The following ARL15 variants were observed in gnomAD, a reference collection of about 807,000 sequenced individuals.
ARL15 encodes the protein ARF like GTPase 15.
A neutral mutation model predicts 25.2 loss-of-function variants in ARL15; 19 were observed. The ratio of observed to expected loss-of-function variants is 0.75; its 90% confidence interval spans 0.53 to 1.10. The LOEUF is 1.10. Ranked by LOEUF, ARL15 falls within the 50% of genes least tolerant of loss-of-function variation. The pLI, the probability that ARL15 is intolerant of heterozygous loss-of-function variation, is 0.00. For synonymous variants in ARL15, 94 were observed against 86.8 expected (o/e 1.08, Z -0.46); for missense variants, 220 against 246.0 (o/e 0.89, Z 0.71).
rs558259486 is a variant in ARL15 at position 54,013,655 on chromosome 5, T to C, written c.462+99547A>G. On this transcript the variant is annotated intron_variant, in intron 4 of 4. Transcript: ENST00000504924. ...ATAAATAACATCACTATTGTAGAAC[T>C]TAAGATTGGTCCTTTGAGATATTTC... Among the ~76,000 whole-genome samples the C allele has an allele frequency of 1.6e-4, 24 of 152,292 alleles. No individual in the cohort carries two copies. In the East Asian group the frequency reaches 4.2e-3, roughly 27 times the overall value.
intron 1 of ARL15, among the ~76,000 whole-genome samples, chr5:54,215,078 A>G (rs1756150248): frequency 6.6e-6 from 1 of 151,418 alleles, no homozygotes; most frequent in South Asian, 2.1e-4. Context: ...CCTTCTTATC[A>G]CTTGAGGGGG....
intron 4 of ARL15, among the ~76,000 whole-genome samples, chr5:53,910,307 C>G (rs1745408146): frequency 6.6e-6 from 1 of 152,158 alleles, no homozygotes; most frequent in Non-Finnish European, 1.5e-5. Flanking sequence ...TACAGGATGT[C>G]TAATGCTATC....
At chr5:54,115,007 C>A (rs1217087482) in intron 3 of ARL15, among the ~76,000 whole-genome samples, 1 of 152,192 alleles carries the variant, frequency 6.6e-6, no homozygotes, top group Non-Finnish European at 1.5e-5. Context: ...TGTGCCCTGG[C>A]TGGCAAGGGT....
rs564304323 is a variant in ARL15, at chr5:54,123,112, CT to C, written c.254-9703del. Among the ~76,000 whole-genome samples, 615 of 141,978 alleles carry C rather than the reference CT, an allele frequency of 4.3e-3. 1 individual carries two copies. Among genetic ancestry groups the C allele is most frequent in the Admixed American group, 0.011 (155 of 14,090 alleles). The allele number at this position is 141,978 out of a possible 152,430, so 93.1% of individuals were successfully genotyped here. Reference sequence around the variant, plus strand: ...CACACCCTCTCTTCTTTTTATATTCCTTTTTTTTTTTTTTGAGACGGAGTTT... The same window carrying C: ...CACACCCTCTCTTCTTTTTATATTCCTTTTTTTTTTTTTGAGACGGAGTTT... On this transcript the variant is annotated intron_variant, in intron 3 of 4. Transcript: ENST00000504924.
At chr5:54,255,200 C>G (rs1757333350) in intron 1 of ARL15, among the ~76,000 whole-genome samples, 1 of 148,252 alleles carries the variant, frequency 6.7e-6, no homozygotes, top group Non-Finnish European at 1.5e-5. Flanking sequence ...AAACTCTACT[C>G]CACGTCATTT....
chr5:53,936,145 G>A (rs1357888717), intron 4 of ARL15, among the ~76,000 whole-genome samples: 1 of 152,128 alleles, frequency 6.6e-6, no homozygotes, highest in African/African-American at 2.4e-5. Flanking sequence ...TACATATATT[G>A]ACATAATGAA....
chr5:53,927,541 G>A (rs1425065514), intron 4 of ARL15, among the ~76,000 whole-genome samples: 1 of 152,110 alleles, frequency 6.6e-6, no homozygotes, highest in Non-Finnish European at 1.5e-5. Flanking sequence ...CCCTAGGTCC[G>A]CATCAAATTT....
chr5:54,137,813 T>G (rs1229740350), intron 3 of ARL15, among the ~76,000 whole-genome samples: 1 of 152,100 alleles, frequency 6.6e-6, no homozygotes, highest in African/African-American at 2.4e-5. Flanking sequence ...AAATTGTATA[T>G]TATAGTTGGG....
chr5:54,180,872 T>C (rs572371322), intron 1 of ARL15, among the ~76,000 whole-genome samples: 9 of 152,320 alleles, frequency 5.9e-5, no homozygotes, highest in Non-Finnish European at 8.8e-5. Context: ...TTAGCAGCTA[T>C]AGACATTGGC....
intron 1 of ARL15, among the ~76,000 whole-genome samples, chr5:54,253,485 C>T (rs957817955): frequency 1.3e-5 from 2 of 152,170 alleles, no homozygotes; most frequent in African/African-American, 4.8e-5. Flanking sequence ...AAAATCTGTA[C>T]TCACTCAATT....
At chr5:53,921,340 AG>A (rs1265873476) in intron 4 of ARL15, among the ~76,000 whole-genome samples, 1 of 152,200 alleles carries the variant, frequency 6.6e-6, no homozygotes, top group Admixed American at 6.5e-5. Context: ...TCCCCCCTAT[AG>A]CTATTGTAAG....
chr5:54,208,111 T>C (rs899561111), intron 1 of ARL15, among the ~76,000 whole-genome samples: 12 of 152,124 alleles, frequency 7.9e-5, no homozygotes, highest in African/African-American at 2.9e-4. Flanking sequence ...CTTTGGAATA[T>C]CTAACTACCC....
chr5:53,930,744 A>T (rs1746171003), intron 4 of ARL15, among the ~76,000 whole-genome samples: 1 of 152,148 alleles, frequency 6.6e-6, no homozygotes, highest in African/African-American at 2.4e-5. Flanking sequence ...CCATCATCAG[A>T]CCTCTGGACA....
intron 2 of ARL15, among the ~76,000 whole-genome samples, chr5:54,156,969 G>A (rs1164827312): frequency 6.6e-6 from 1 of 152,202 alleles, no homozygotes; most frequent in Admixed American, 6.5e-5. Context: ...AGACTTGGAT[G>A]CCTGAATGTA....
At chr5:53,947,037 G>C (rs1299566191) in intron 4 of ARL15, among the ~76,000 whole-genome samples, 1 of 152,192 alleles carries the variant, frequency 6.6e-6, no homozygotes, top group Admixed American at 6.5e-5. Flanking sequence ...GGGATGAAGG[G>C]AAGGAGATAG....
chr5:53,917,118 G>A (rs1020066310), intron 4 of ARL15, among the ~76,000 whole-genome samples: 2 of 152,090 alleles, frequency 1.3e-5, no homozygotes, highest in African/African-American at 4.8e-5. Context: ...TCTCTGGAAG[G>A]CCCCTGAAAG....
chr5:53,933,399 C>A (rs1483622463), intron 4 of ARL15, among the ~76,000 whole-genome samples: 1 of 152,102 alleles, frequency 6.6e-6, no homozygotes, highest in Non-Finnish European at 1.5e-5. Flanking sequence ...GTAATCCCAG[C>A]ACTCTGGGAG....
At chr5:53,897,635 T>C (rs1461567680) in intron 4 of ARL15, among the ~76,000 whole-genome samples, 1 of 152,242 alleles carries the variant, frequency 6.6e-6, no homozygotes, top group Non-Finnish European at 1.5e-5. Context: ...TCAAATGCTT[T>C]TCCTGCATTT....
At chr5:54,058,328 C>T (rs1436135400) in intron 4 of ARL15, among the ~76,000 whole-genome samples, 1 of 151,948 alleles carries the variant, frequency 6.6e-6, no homozygotes, top group Non-Finnish European at 1.5e-5. Flanking sequence ...TTAAAAGATC[C>T]CTCACACTTC....
Sources: gnomAD v4.1 joint callset for allele counts (sites outside exome capture counted in the v4.1 genomes callset) on GRCh38, gnomAD v4.1.1 for gene constraint, MANE v1.5 for transcripts, NCBI Gene and HGNC (gene_info 2026-07-23, HGNC 2026-07-21) for gene names.